SENP6: variants seen among roughly 807,000 people sequenced by gnomAD.
SENP6 encodes the protein SUMO specific peptidase 6.
A neutral mutation model predicts 134.5 loss-of-function variants in SENP6; 41 were observed. That is an observed-to-expected ratio of 0.30 (90% CI 0.24 to 0.40). SENP6 has a LOEUF of 0.40. Among genes scored for constraint, SENP6 ranks in the 10% least tolerant of loss-of-function variants. The pLI, the probability that SENP6 is intolerant of heterozygous loss-of-function variation, is 1.00. For synonymous variants in SENP6, 395 were observed against 429.8 expected (o/e 0.92, Z 1.00); for missense variants, 1,248 against 1,312.5 (o/e 0.95, Z 0.76).
intron 16 of SENP6, among the ~76,000 whole-genome samples, chr6:75,692,954 C>G (rs1044487977): frequency 2.0e-5 from 3 of 152,102 alleles, no homozygotes; most frequent in Non-Finnish European, 4.4e-5. Flanking sequence ...GCCTGTAGTT[C>G]CAGCTACTCT....
intron 11 of SENP6, among the ~76,000 whole-genome samples, chr6:75,673,017 C>T (rs983584183): frequency 1.6e-4 from 25 of 152,070 alleles, no homozygotes; most frequent in African/African-American, 6.0e-4. Flanking sequence ...TTAGTAGAGA[C>T]GGGGTTTCAC....
intron 3 of SENP6, among the ~76,000 whole-genome samples, chr6:75,624,330 A>G (rs1445549328): frequency 2.0e-5 from 3 of 152,186 alleles, no homozygotes; most frequent in Non-Finnish European, 2.9e-5. Flanking sequence ...CTATTGATGG[A>G]TATTTACAGA....
intron 19 of SENP6, among the ~76,000 whole-genome samples, chr6:75,708,333 A>G (rs2842567): frequency 0.08 from 12,153 of 152,174 alleles, 1,081 homozygotes; most frequent in African/African-American, 0.22. Context: ...GTTTATATTA[A>G]TATCTTAACA....
chr6:75,616,030 C>G (rs1384109324), intron 1 of SENP6, among the ~76,000 whole-genome samples: 1 of 152,116 alleles, frequency 6.6e-6, no homozygotes, highest in Admixed American at 6.6e-5. Flanking sequence ...TTGTTAATCT[C>G]TCTTCTACTA....
intron 1 of SENP6, among the ~76,000 whole-genome samples, chr6:75,612,958 AC>A (rs770816319): frequency 3.2e-4 from 48 of 152,278 alleles, no homozygotes; most frequent in Middle Eastern, 3.4e-3. Context: ...TACTAAAAAT[AC>A]AAAAATCAGC....
At chr6:75,641,969 A>G (rs993750151) in intron 6 of SENP6, among the ~76,000 whole-genome samples, 1 of 152,046 alleles carries the variant, frequency 6.6e-6, no homozygotes, top group African/African-American at 2.4e-5. Flanking sequence ...ACATTTGTAC[A>G]TCAGCTGATG....
Position 75,700,637 on chromosome 6 carries a change from C to T in SENP6, c.2289-2008C>T, listed in dbSNP as rs138923775. On this transcript the variant is annotated intron_variant, in intron 18 of 23. Transcript: ENST00000447266. ...ACCCCAGTAGCTTGGACCACAGGCA[C>T]GTGCCATCACACCCAGCTAATATTT... Among the ~76,000 whole-genome samples the T allele has an allele frequency of 3.0e-3, 461 of 152,204 alleles. 2 individuals are homozygous for T. The highest frequency in any genetic ancestry group is 0.011 in the African/African-American group (438 of 41,506).
Position 75,637,671 on chromosome 6 carries a change from C to G in SENP6, c.458+2860C>G, listed in dbSNP as rs553326255. ...TATAGATAAAAAGACTTATAAGAAC[C>G]TTATAAGAAATTCTTGTAATTCTTA... On this transcript the variant is annotated intron_variant, in intron 5 of 23. Coordinates refer to ENST00000447266, the MANE Select transcript of SENP6 (RefSeq NM_015571.4). 5.3e-5 allele frequency among the ~76,000 whole-genome samples: 8 copies of G among 151,846 alleles called. No individual in the cohort carries two copies. In the South Asian group the frequency reaches 1.0e-3, roughly 20 times the overall value.
At chr6:75,670,257 C>G (rs887613030) in intron 10 of SENP6, among the ~76,000 whole-genome samples, 2 of 152,126 alleles carry the variant, frequency 1.3e-5, no homozygotes, top group Non-Finnish European at 2.9e-5. Context: ...AAGATCACAT[C>G]TTTAAAAGGT....
At chr6:75,672,953 G>T (rs1000493974) in intron 11 of SENP6, among the ~76,000 whole-genome samples, 6 of 151,918 alleles carry the variant, frequency 3.9e-5, no homozygotes, top group Non-Finnish European at 8.8e-5. Flanking sequence ...TCAGCCTCCC[G>T]AGTAGCTGGG....
At chr6:75,617,109 G>A (rs866907884) in intron 1 of SENP6, among the ~76,000 whole-genome samples, 168 of 151,524 alleles carry the variant, frequency 1.1e-3, no homozygotes, top group African/African-American at 3.4e-3. Context: ...AAACTCCTGG[G>A]CTAAAGTGAT....
intron 6 of SENP6, among the ~76,000 whole-genome samples, chr6:75,644,479 T>TTTC (rs1770278640): frequency 6.6e-6 from 1 of 151,396 alleles, no homozygotes; most frequent in South Asian, 2.1e-4. Flanking sequence ...TTCTTTCTTT[T>TTTC]TTTTTTTTTT....
chr6:75,660,275 G>T (rs1265209718), intron 8 of SENP6, among the ~76,000 whole-genome samples: 1 of 152,148 alleles, frequency 6.6e-6, no homozygotes, highest in Admixed American at 6.5e-5. Context: ...TCACATTAAT[G>T]ATATTTTACC....
Position 75,652,683 on chromosome 6 carries a change from C to CAAAAAAAAAAAAAAAAAAAAAAAAAAA in SENP6, c.550+4902_550+4903insAAAAAAAAAAAAAAAAAAAAAAAAAAA, listed in dbSNP as rs71002754. On this transcript the variant is annotated intron_variant, in intron 7 of 23. Transcript: ENST00000447266. ...GAAATCCCATCTCTACTAAAAATCT[C>CAAAAAAAAAAAAAAAAAAAAAAAAAAA]AAAAAAAAAAAAAAAAAAAAGAAAA... 4.2e-4 allele frequency among the ~76,000 whole-genome samples: 32 copies of CAAAAAAAAAAAAAAAAAAAAAAAAAAA among 75,862 alleles called. 1 individual carries two copies. Among genetic ancestry groups the CAAAAAAAAAAAAAAAAAAAAAAAAAAA allele is most frequent in the South Asian group, 5.9e-4 (1 of 1,694 alleles). The allele number at this position is 75,862 out of a possible 152,430, so 49.8% of individuals were successfully genotyped here.
chr6:75,711,291 T>C, intron 20 of SENP6, 37 bp from the exon 21 acceptor site: 1 of 1,431,710 alleles, frequency 7.0e-7, no homozygotes, highest in Non-Finnish European at 9.7e-7. Context: ...ATTTAGATTA[T>C]ATATTTTCAG....
At chr6:75,667,766 C>T (rs575661490) in intron 10 of SENP6, among the ~76,000 whole-genome samples, 2 of 152,260 alleles carry the variant, frequency 1.3e-5, no homozygotes, top group South Asian at 4.1e-4. Context: ...TATATGCAAA[C>T]ATGATTATTG....
In SENP6 at chr6:75,717,270, A is replaced by G. The variant is rs1283083976; in HGVS notation, c.*1676A>G. On this transcript the variant is annotated 3_prime_UTR_variant, in exon 24 of 24. Coordinates refer to ENST00000447266, the MANE Select transcript of SENP6 (RefSeq NM_015571.4). ...ATAGCAATAAGCAAAATTGGCATAC[A>G]TAATTTTTTTAATGAACTATATTTT... 1.3e-5 allele frequency: 2 copies of G among 152,080 alleles called. No individual in the cohort carries two copies. Among genetic ancestry groups the G allele is most frequent in the African/African-American group, 4.8e-5 (2 of 41,458 alleles). The allele number at this position is 152,080 out of a possible 1,614,324, so 9.4% of individuals were successfully genotyped here. A position where few individuals can be genotyped will look rare whatever the true frequency, so the allele number is the denominator to read the frequency against.
At chr6:75,646,274 CACAAATTTCAA>C (rs1212237856) in intron 6 of SENP6, among the ~76,000 whole-genome samples, 1 of 152,120 alleles carries the variant, frequency 6.6e-6, no homozygotes, top group Non-Finnish European at 1.5e-5. Flanking sequence ...TGCATATCTT[CACAAATTTCAA>C]ATTTTTCAGT....
intron 8 of SENP6, among the ~76,000 whole-genome samples, 198 bp downstream of exon 8, chr6:75,659,605 A>G (rs1184813789): frequency 6.6e-6 from 1 of 152,168 alleles, no homozygotes; most frequent in Non-Finnish European, 1.5e-5. Flanking sequence ...TCTGTAAAGA[A>G]TTTATCAGTG....
Sources: allele counts gnomAD v4.1 joint callset (sites outside exome capture counted in the v4.1 genomes callset), GRCh38; gene constraint gnomAD v4.1.1; transcripts MANE v1.5; gene names NCBI Gene and HGNC (gene_info 2026-07-23, HGNC 2026-07-21).